The following ELP6 variants were observed in gnomAD, a reference collection of about 807,000 sequenced individuals.
The protein encoded by ELP6 is elongator complex protein 6.
A neutral mutation model predicts 28.1 loss-of-function variants in ELP6; 23 were observed. That is an observed-to-expected ratio of 0.82 (90% CI 0.59 to 1.16). ELP6 has a LOEUF of 1.16. Ranked by LOEUF, ELP6 falls within the 50% of genes most tolerant of loss-of-function variation. ELP6 has a pLI of 0.00. For synonymous variants in ELP6, 132 were observed against 135.8 expected, an observed-to-expected ratio of 0.97 and a Z score of 0.19; for missense variants, 313 against 334.6, an observed-to-expected ratio of 0.94 and a Z score of 0.50.
At chr3:47,497,007 C>A in intron 6 of ELP6, 1 of 985,282 alleles carries the variant, frequency 1.0e-6, no homozygotes, top group Non-Finnish European at 1.2e-6. Flanking sequence ...TGCAGCACTA[C>A]ACACATAGTA....
chr3:47,496,438 A>C (rs1307097587), intron 6 of ELP6: 3 of 985,262 alleles, frequency 3.0e-6, no homozygotes, highest in Non-Finnish European at 3.6e-6. Context: ...AAAGAGGAAA[A>C]AAAAAGGAAA....
chr3:47,496,660 A>G, intron 6 of ELP6: 1 of 671,750 alleles, frequency 1.5e-6, no homozygotes, highest in Non-Finnish European at 1.8e-6. Flanking sequence ...ATGCCTGGGC[A>G]ATTTTTGTAT....
chr3:47,513,697 G>A lies in ELP6; in HGVS notation c.-107C>T. 7.0e-7 allele frequency: 1 copy of A among 1,428,910 alleles called. No individual in the cohort carries two copies. Among genetic ancestry groups the A allele is most frequent in the Non-Finnish European group, 9.6e-7 (1 of 1,040,836 alleles). 88.5% of individuals were successfully genotyped at this position (1,428,910 alleles called of 1,614,324 possible). Reference sequence around the variant, plus strand: ...GACAGCCCGGCTCGCGCAAGGAAGCGCGCATGCGCAATGCCACTTTTGCGA... The same window carrying A: ...GACAGCCCGGCTCGCGCAAGGAAGCACGCATGCGCAATGCCACTTTTGCGA... On this transcript the variant is annotated 5_prime_UTR_variant, in exon 1 of 7. Transcript: ENST00000296149.
chr3:47,505,861 C>G (rs1357669860), intron 3 of ELP6, among the ~76,000 whole-genome samples: 1 of 152,146 alleles, frequency 6.6e-6, no homozygotes, highest in Non-Finnish European at 1.5e-5. Context: ...CGTGAGCCAC[C>G]GTGCCCGGCC....
intron 3 of ELP6, among the ~76,000 whole-genome samples, chr3:47,506,568 T>G (rs2108113156): frequency 6.6e-6 from 1 of 152,356 alleles, no homozygotes; most frequent in South Asian, 2.1e-4. Flanking sequence ...TTTCTCCCAT[T>G]TGCTTTTGAA....
intron 3 of ELP6, 189 bp from the exon 4 acceptor site, chr3:47,504,637 T>G: frequency 1.0e-6 from 1 of 985,404 alleles, no homozygotes; most frequent in Non-Finnish European, 1.2e-6. Flanking sequence ...TTTTCAGATG[T>G]GTATTTCCAT....
At chr3:47,513,511 C>G (rs1576354802) in intron 1 of ELP6, 26 bp downstream of exon 1, 1 of 1,608,914 alleles carries the variant, frequency 6.2e-7, no homozygotes, top group Non-Finnish European at 8.5e-7. Context: ...AGGTCCCGCC[C>G]CCTTCCGGCC....
At chr3:47,504,197 C>G (rs997025637) in intron 4 of ELP6, 133 bp downstream of exon 4, 2 of 1,106,206 alleles carry the variant, frequency 1.8e-6, no homozygotes, top group African/African-American at 3.2e-5. Flanking sequence ...GCTGCAACAC[C>G]AGATGAAGTG....
At chr3:47,502,425 A>C in intron 4 of ELP6, 1 of 279,062 alleles carries the variant, frequency 3.6e-6, no homozygotes, top group Non-Finnish European at 4.4e-6. Context: ...CAAAAAAAAA[A>C]AAAAAAAAAA....
intron 1 of ELP6, chr3:47,512,745 A>G (rs1284014964): frequency 2.1e-6 from 2 of 964,154 alleles, no homozygotes; most frequent in Admixed American, 1.2e-4. Flanking sequence ...ATTAGAGATC[A>G]CAAGGAGGAA....
chr3:47,498,194 C>G (rs923270328), intron 6 of ELP6, 92 bp downstream of exon 6: 1 of 1,526,748 alleles, frequency 6.5e-7, no homozygotes, highest in Admixed American at 1.9e-5. Flanking sequence ...ATGTCCCAAC[C>G]AGACAGTCCC....
intron 1 of ELP6, chr3:47,512,067 G>A (rs890592497): frequency 2.0e-6 from 2 of 985,334 alleles, no homozygotes; most frequent in Admixed American, 1.2e-4. Flanking sequence ...GGAAGTGCCA[G>A]TGGTAACTGG....
chr3:47,498,358 G>A lies in ELP6; in HGVS notation c.600C>T (p.Leu200=), dbSNP rs1212223395. Residue 200 remains leucine, a synonymous_variant, in exon 6 of 7, where the codon CTC becomes CTT. Coordinates refer to ENST00000296149, the MANE Select transcript of ELP6 (RefSeq NM_001031703.3). ...DEENDILLNG[L]SHQSHLILRA... ...GCAGTATCAGATGGCTCTGATGACT[G>A]AGGCCATTCAGCAGGATGTCATTCT... 2 of 1,613,796 alleles carry A rather than the reference G, an allele frequency of 1.2e-6. No homozygotes were observed. The highest frequency in any genetic ancestry group is 2.2e-5 in the South Asian group (2 of 91,090).
At chr3:47,506,636 T>A (rs193260101) in intron 3 of ELP6, among the ~76,000 whole-genome samples, 2 of 152,368 alleles carry the variant, frequency 1.3e-5, no homozygotes, top group Admixed American at 6.5e-5. Context: ...TTTAAGGTTA[T>A]CTCTCTTGTT....
At chr3:47,512,770 G>T in intron 1 of ELP6, 1 of 945,506 alleles carries the variant, frequency 1.1e-6, no homozygotes, top group Non-Finnish European at 1.3e-6. Flanking sequence ...AAGAAGAACA[G>T]CAGCGTTCAA....
chr3:47,513,043 T>G (rs1307564571), intron 1 of ELP6: 98 of 976,806 alleles, frequency 1.0e-4, no homozygotes, highest in Non-Finnish European at 1.2e-4. Context: ...CAGGCTGGAG[T>G]GCGGTGGCGA....
chr3:47,499,978 G>T, intron 5 of ELP6: 1 of 1,346,638 alleles, frequency 7.4e-7, no homozygotes. Flanking sequence ...TTGAGGGGAA[G>T]CTGCTGCTTC....
At chr3:47,501,217 T>A (rs1340209759) in intron 5 of ELP6, among the ~76,000 whole-genome samples, 2 of 152,234 alleles carry the variant, frequency 1.3e-5, no homozygotes, top group African/African-American at 4.8e-5. Flanking sequence ...ACCTCTATTA[T>A]GGCAAAAATC....
At chr3:47,509,666 T>C (rs1288757920) in intron 3 of ELP6, among the ~76,000 whole-genome samples, 1 of 152,190 alleles carries the variant, frequency 6.6e-6, no homozygotes, top group African/African-American at 2.4e-5. Flanking sequence ...AAAGGTTTGA[T>C]TAATTAACAT....
Sources: allele counts gnomAD v4.1 joint callset (sites outside exome capture counted in the v4.1 genomes callset), GRCh38; gene constraint gnomAD v4.1.1; transcripts MANE v1.5; gene names NCBI Gene and HGNC (gene_info 2026-07-23, HGNC 2026-07-21).